Variants in PDCD5 observed in about 807,000 individuals in gnomAD.
The protein encoded by PDCD5 is programmed cell death protein 5.
Under a neutral mutation model 21.9 loss-of-function variants are expected in PDCD5, and 23 were observed. The observed-to-expected ratio is 1.05, with a 90% confidence interval of 0.76 to 1.49. The LOEUF is 1.49. PDCD5 is among the 40% of genes most tolerant of loss of function. PDCD5 has a pLI of 0.00. For missense variants in PDCD5, 152 were observed against 147.7 expected, an observed-to-expected ratio of 1.03 and a Z score of -0.15; for synonymous variants, 45 against 49.4, an observed-to-expected ratio of 0.91 and a Z score of 0.37.
chr19:32,582,743 G>A lies in PDCD5; in HGVS notation c.104+511G>A, dbSNP rs77329943. Among the ~76,000 whole-genome samples, 821 of 152,268 alleles carry A rather than the reference G, an allele frequency of 5.4e-3. 22 individuals carry two copies. In the East Asian group the frequency reaches 0.08, roughly 15 times the overall value. ...CACCATCACAACCATTTTTAAGTGT[G>A]CTCTTCAGTAGTGTTCACACTCTAG... On this transcript the variant is annotated intron_variant, in intron 2 of 5. Transcript: ENST00000590247.
intron 5 of PDCD5, 40 bp downstream of exon 5, chr19:32,586,969 A>G: frequency 6.8e-7 from 1 of 1,465,178 alleles, no homozygotes; most frequent in Non-Finnish European, 9.5e-7. Context: ...GAAAAGATGG[A>G]TACTTTAAAG....
chr19:32,586,939 C>T lies in PDCD5; in HGVS notation c.330+10C>T. 2 of 1,591,340 alleles carry T rather than the reference C, an allele frequency of 1.3e-6. No homozygotes were observed. Among genetic ancestry groups the T allele is most frequent in the Non-Finnish European group, 1.7e-6 (2 of 1,166,436 alleles). ...GACAACAACAGTGAAAGTAAGTGTC[C>T]CCAGATGCTTGTGGCAAATGAAAAG... On this transcript the variant is annotated intron_variant, in intron 5 of 5. Transcript: ENST00000590247.
Position 32,582,155 on chromosome 19 carries a change from C to T in PDCD5, c.67-40C>T, listed in dbSNP as rs1429683163. The T allele has an allele frequency of 4.6e-6, 7 of 1,507,008 alleles. No individual in the cohort carries two copies. In the African/African-American group the frequency reaches 6.9e-5, roughly 15 times the overall value. 93.4% of individuals were successfully genotyped at this position (1,507,008 alleles called of 1,614,324 possible). ...ACCGTTCCTTTTTCCCGCCGCCTCC[C>T]GTGAAATTTCTCTATTAAATTTAAG... On this transcript the variant is annotated intron_variant, in intron 1 of 5. Transcript: ENST00000590247.
At chr19:32,585,741 A>T (rs149486614) in intron 3 of PDCD5, 75 bp from the exon 4 acceptor site, 3 of 844,426 alleles carry the variant, frequency 3.6e-6, no homozygotes, top group Non-Finnish European at 6.1e-6. Context: ...GGAAAGGTCA[A>T]TGCATAGTTT....
Position 32,584,998 on chromosome 19 carries a change from G to A in PDCD5, c.153G>A (p.Ser51=), listed in dbSNP as rs758011830. 25 of 1,613,786 alleles carry A rather than the reference G, an allele frequency of 1.5e-5. No homozygotes were observed. The highest frequency in any genetic ancestry group is 1.1e-4 in the South Asian group (10 of 91,076). The stretch of plus-strand genomic sequence containing the variant: ...TCTTAGCCCAAGTTCTGGATCAGTC[G>A]GCCCGGGCCAGGTGTAAGCATCTTT... ...NSILAQVLDQ[S]ARARLSNLAL... is the part of the protein sequence containing the mutation. Residue 51 remains serine, a synonymous_variant, in exon 3 of 6, where the codon TCG becomes TCA. Coordinates refer to ENST00000590247, the MANE Select transcript of PDCD5 (RefSeq NM_004708.4).
intron 3 of PDCD5, among the ~76,000 whole-genome samples, chr19:32,585,421 ACAGT>A (rs753156425): frequency 6.2e-4 from 95 of 152,302 alleles, no homozygotes; most frequent in South Asian, 2.3e-3. Flanking sequence ...AAAAAATGAG[ACAGT>A]CAGAATGAAC....
intron 3 of PDCD5, among the ~76,000 whole-genome samples, chr19:32,585,579 G>C (rs1330618418): frequency 3.3e-5 from 5 of 152,196 alleles, no homozygotes; most frequent in Non-Finnish European, 7.3e-5. Flanking sequence ...ATGGTGCTTA[G>C]AATCTGAGAA....
chr19:32,582,647 G>C (rs1971439830), intron 2 of PDCD5, among the ~76,000 whole-genome samples: 1 of 152,118 alleles, frequency 6.6e-6, no homozygotes, highest in Non-Finnish European at 1.5e-5. Context: ...TTCGGTGGCA[G>C]GTTTATTGAA....
At chr19:32,586,114 G>A in intron 4 of PDCD5, 2 of 1,519,698 alleles carry the variant, frequency 1.3e-6, no homozygotes, top group Non-Finnish European at 1.8e-6. Context: ...GCGTTGCTCT[G>A]GAACCTTGTT....
chr19:32,586,187 A>G, intron 4 of PDCD5: 2 of 1,447,218 alleles, frequency 1.4e-6, no homozygotes, highest in East Asian at 5.0e-5. Context: ...ACTGGAAGCA[A>G]GGTTTGTCAG....
At chr19:32,581,449 G>A (rs935962086) in intron 1 of PDCD5, 122 bp downstream of exon 1, 7 of 514,450 alleles carry the variant, frequency 1.4e-5, no homozygotes. Flanking sequence ...CCCCTGCGCT[G>A]CCCTGGCGGC....
rs76560304 is a variant in PDCD5, at chr19:32,585,932, C to G, written c.258+25C>G. The G allele has an allele frequency of 1.3e-3, 2,134 of 1,613,862 alleles. 23 individuals are homozygous for G. The African/African-American group carries it at 0.023, about 18-fold the overall frequency. On this transcript the variant is annotated intron_variant, in intron 4 of 5. Transcript: ENST00000590247. The stretch of plus-strand genomic sequence containing the variant: ...GGTAAGCTTAGACAGCCTTGAGGAA[C>G]TTTACTGTTACCTGCTTTATCAAAA...
At chr19:32,586,763 C>T in intron 4 of PDCD5, 95 bp from the exon 5 acceptor site, 1 of 1,472,188 alleles carries the variant, frequency 6.8e-7, no homozygotes, top group South Asian at 1.5e-5. Context: ...GCTCTTTCCC[C>T]ACACCTCAAA....
At chr19:32,583,548 A>C (rs552698093) in intron 2 of PDCD5, among the ~76,000 whole-genome samples, 3 of 151,156 alleles carry the variant, frequency 2.0e-5, no homozygotes, top group Non-Finnish European at 4.4e-5. Context: ...CTCCCGAGAA[A>C]CCCCAGTTTT....
intron 2 of PDCD5, among the ~76,000 whole-genome samples, chr19:32,582,604 C>T (rs573427082): frequency 1.3e-5 from 2 of 152,264 alleles, no homozygotes; most frequent in South Asian, 4.1e-4. Flanking sequence ...CCCAACACAG[C>T]GCACAGCACC....
intron 1 of PDCD5, chr19:32,581,542 G>T (rs759599591): frequency 2.7e-6 from 1 of 368,990 alleles, no homozygotes; most frequent in Non-Finnish European, 4.8e-6. Flanking sequence ...CGCCACGTGC[G>T]GGACCTGCCC....
At position 32,586,840 on chromosome 19, in the gene PDCD5, C is replaced by CT. The variant is rs1269284420; in HGVS notation, c.259-14dup. On this transcript the variant is annotated splice_polypyrimidine_tract_variant and intron_variant, in intron 4 of 5. Coordinates refer to ENST00000590247, the MANE Select transcript of PDCD5 (RefSeq NM_004708.4). ...TTTAAAAAAGTACTGTTTTTCTTAT[C>CT]TTTTCTGGTTCTCCTAGGTATCAGA... 1 of 1,592,952 alleles carries CT rather than the reference C, an allele frequency of 6.3e-7. No individual in the cohort carries two copies. The highest frequency in any genetic ancestry group is 8.5e-7 in the Non-Finnish European group (1 of 1,174,254).
intron 1 of PDCD5, chr19:32,581,773 G>T: frequency 4.6e-6 from 1 of 215,380 alleles, no homozygotes; most frequent in Non-Finnish European, 9.0e-6. Flanking sequence ...CCGCCGGGAT[G>T]ACAGGGAGGG....
At chr19:32,584,043 G>A (rs190325931) in intron 2 of PDCD5, among the ~76,000 whole-genome samples, 97 of 152,068 alleles carry the variant, frequency 6.4e-4, no homozygotes, top group African/African-American at 2.2e-3. Flanking sequence ...TGTTGGCCAG[G>A]CTGGTCTCAA....
Sources: allele counts gnomAD v4.1 joint callset (sites outside exome capture counted in the v4.1 genomes callset), GRCh38; gene constraint gnomAD v4.1.1; transcripts MANE v1.5; gene names NCBI Gene and HGNC (gene_info 2026-07-23, HGNC 2026-07-21).